MICALL2: variants seen among roughly 807,000 people sequenced by gnomAD.
MICALL2 encodes MICAL-like protein 2.
MICALL2 carries 111 observed loss-of-function variants against 91.1 expected under a neutral mutation model. The ratio of observed to expected loss-of-function variants is 1.22; its 90% CI spans 1.04 to 1.43. The LOEUF is 1.43. Ranked by LOEUF, MICALL2 falls within the 40% of genes most tolerant of loss-of-function variation. MICALL2 has a pLI of 0.00. For synonymous variants in MICALL2, 694 were observed against 525.3 expected, an observed-to-expected ratio of 1.32 and a Z score of -4.39; for missense variants, 1,556 against 1,236.0, an observed-to-expected ratio of 1.26 and a Z score of -3.88.
chr7:1,459,295 C>T lies in MICALL2; in HGVS notation c.32G>A (p.Cys11Tyr). The change falls in exon 1 of 17, where the codon TGC becomes TAC. Residue 11 changes from cysteine (C) to tyrosine (Y), a missense_variant. Physicochemically the swap from Cys to Tyr is radical, Grantham distance 194 (BLOSUM62 -2). Transcript: ENST00000297508. ...GCGGTAGCCCTCGCACTGCTGCCGG[C>T]ACCACTGTTGCAGCGCCCTGATGGC... MAAIRALQQWCRQQCEGYRDV... is the reference protein window; with the variant it reads MAAIRALQQWYRQQCEGYRDV... The T allele has an allele frequency of 6.3e-7, 1 of 1,597,874 alleles. No individual in the cohort carries two copies. Among genetic ancestry groups the T allele is most frequent in the South Asian group, 1.1e-5 (1 of 88,694 alleles).
intron 16 of MICALL2, 115 bp downstream of exon 16, chr7:1,434,985 GC>G (rs145154210): frequency 0.22 from 56,318 of 250,766 alleles, 2,683 homozygotes; most frequent in African/African-American, 0.44. Flanking sequence ...CCCGATACCC[GC>G]CCCCCCCCCA....
Position 1,440,696 on chromosome 7 carries a change from G to T in MICALL2, c.1712-12C>A. 6.2e-7 allele frequency: 1 copy of T among 1,607,896 alleles called. No homozygotes were observed. The highest frequency in any genetic ancestry group is 8.5e-7 in the Non-Finnish European group (1 of 1,177,778). On this transcript the variant is annotated splice_polypyrimidine_tract_variant and intron_variant, in intron 7 of 16. Transcript: ENST00000297508. ...GCTGGTGCTCATGTCTGGGTGGGAG[G>T]CAAGGGGTCTGGGTGTGAGGAAGGA... is the stretch of plus-strand genomic sequence containing the variant.
chr7:1,445,551 C>A (rs747882426), intron 5 of MICALL2, 123 bp from the exon 6 acceptor site: 50 of 872,350 alleles, frequency 5.7e-5, no homozygotes, highest in Non-Finnish European at 7.7e-5. Flanking sequence ...GCTGAACGCC[C>A]GCCCCGCCAC....
chr7:1,455,340 G>C (rs1174625912), intron 1 of MICALL2, among the ~76,000 whole-genome samples: 1 of 152,234 alleles, frequency 6.6e-6, no homozygotes, highest in African/African-American at 2.4e-5. Context: ...TGGCTGCCCA[G>C]CTGCCCTGTG....
chr7:1,456,607 A>G (rs6943370), intron 1 of MICALL2, among the ~76,000 whole-genome samples: 6,920 of 151,798 alleles, frequency 0.046, 452 homozygotes, highest in African/African-American at 0.15. Context: ...TAAATAAATA[A>G]ATAGATAAAA....
rs1166301300 is a variant in MICALL2, at chr7:1,439,003, C to G, written c.1967-8G>C. On this transcript the variant is annotated splice_region_variant and splice_polypyrimidine_tract_variant and intron_variant, in intron 9 of 16. Transcript: ENST00000297508. The stretch of plus-strand genomic sequence containing the variant: ...GTGGGGAGGGGGACCTGGCTGCCCC[C>G]AGGTGGGGAGACAGAGCCACGCTTC... 4.4e-6 allele frequency: 7 copies of G among 1,588,164 alleles called. No homozygotes were observed. The highest frequency in any genetic ancestry group is 6.0e-6 in the Non-Finnish European group (7 of 1,172,226).
rs757836671 is a variant in MICALL2, at chr7:1,451,909, C to T, written c.144-1621G>A. On this transcript the variant is annotated intron_variant, in intron 1 of 16. Coordinates refer to ENST00000297508, the MANE Select transcript of MICALL2 (RefSeq NM_182924.4). The surrounding 1 kb of genome is among the most constrained non-coding windows in gnomAD (Gnocchi z 4.5). ...ACCCCCATAAGAATGCTCCGAGGCC[C>T]GGACAGTGAGCCCATTTCACCTGTT... Among the ~76,000 whole-genome samples, 2 of 152,212 alleles carry T rather than the reference C, an allele frequency of 1.3e-5. No homozygotes were observed. The highest frequency in any genetic ancestry group is 1.9e-4 in the East Asian group (1 of 5,202).
rs893371911 is a variant in MICALL2 at position 1,451,783 on chromosome 7, G to C, written c.144-1495C>G. 1.3e-5 allele frequency among the ~76,000 whole-genome samples: 2 copies of C among 152,220 alleles called. No homozygotes were observed. Among genetic ancestry groups the C allele is most frequent in the African/African-American group, 4.8e-5 (2 of 41,468 alleles). On this transcript the variant is annotated intron_variant, in intron 1 of 16. Coordinates refer to ENST00000297508, the MANE Select transcript of MICALL2 (RefSeq NM_182924.4). This position sits in a 1 kb window ranked among gnomAD's most constrained non-coding sequence, Gnocchi z 4.5. Reference sequence around the variant, plus strand: ...GTAGCTGCAGCAAACAGGAAGGCTGGGCAGGTCTCAAACGGAGAAGTGGGG... The same window carrying C: ...GTAGCTGCAGCAAACAGGAAGGCTGCGCAGGTCTCAAACGGAGAAGTGGGG...
intron 4 of MICALL2, among the ~76,000 whole-genome samples, chr7:1,447,315 T>G (rs1339098401): frequency 6.6e-6 from 1 of 152,116 alleles, no homozygotes; most frequent in African/African-American, 2.4e-5. Context: ...GAGAGAGGTA[T>G]CCTGGGCCCA....
chr7:1,450,280 C>T lies in MICALL2; in HGVS notation c.152G>A (p.Ser51Asn), dbSNP rs2128524462. ...ATAAATATTTTCCTTCTTGAGAGCA[C>T]TGAAGTTTCTGGAAGATAAAAACAT... ...HRHRPDLINF[S>N]ALKKENIYEN... The change falls in exon 2 of 17, where the codon AGT becomes AAT. Residue 51 changes from serine to asparagine, a missense_variant. Ser to Asn is a conservative substitution (Grantham distance 46). Transcript: ENST00000297508. The T allele has an allele frequency of 6.2e-7, 1 of 1,612,974 alleles. No homozygotes were observed.
At chr7:1,434,832 C>T (rs896107515) in intron 16 of MICALL2, 160 bp from the exon 17 acceptor site, 3 of 799,718 alleles carry the variant, frequency 3.8e-6, no homozygotes, top group Non-Finnish European at 5.8e-6. Flanking sequence ...CACGTGAGAA[C>T]CTGCCCCGAC....
rs1431368418 is a variant in MICALL2, at chr7:1,445,362, G to A, written c.708C>T (p.Phe236=). The A allele has an allele frequency of 9.4e-6, 15 of 1,592,070 alleles. No homozygotes were observed. The highest frequency in any genetic ancestry group is 4.5e-5 in the East Asian group (2 of 44,202). The part of the protein sequence containing the change: ...AYKATGEPGT[F]VCTSHLPAAA... ...CTGCGGGGAGGTGGCTGGTGCAGAC[G>A]AAGGTGCCCGGCTCTCCTGTGGCCT... The change falls in exon 6 of 17, where the codon TTC becomes TTT. Residue 236 remains phenylalanine, a synonymous_variant. Transcript: ENST00000297508.
In MICALL2 at chr7:1,444,886, G is replaced by C; in HGVS notation, c.1184C>G (p.Ser395Cys). 1.3e-6 allele frequency: 2 copies of C among 1,585,386 alleles called. No individual in the cohort carries two copies. Among genetic ancestry groups the C allele is most frequent in the Non-Finnish European group, 1.7e-6 (2 of 1,169,484 alleles). The change falls in exon 6 of 17, where the codon TCC becomes TGC. Residue 395 changes from serine (S) to cysteine (C), a missense_variant. Transcript: ENST00000297508. ...AAPQTTLSSSSTSAATVDPPA... is the reference protein window; with the variant it reads ...AAPQTTLSSSCTSAATVDPPA... ...GGGGTCCACCGTGGCTGCAGATGTG[G>C]AGCTTGAACTGAGTGTGGTTTGAGG... is the stretch of plus-strand genomic sequence containing the variant.
At chr7:1,440,832 G>A (rs558086573) in intron 7 of MICALL2, 148 bp from the exon 8 acceptor site, 4 of 655,638 alleles carry the variant, frequency 6.1e-6, no homozygotes, top group Non-Finnish European at 1.1e-5. Flanking sequence ...GGCATCAGGA[G>A]CACCGGGCAG....
Position 1,447,646 on chromosome 7 carries a change from G to A in MICALL2, c.454C>T (p.Leu152=). The A allele has an allele frequency of 1.3e-6, 2 of 1,597,238 alleles. No individual in the cohort carries two copies. The highest frequency in any genetic ancestry group is 4.5e-5 in the East Asian group (2 of 44,324). The change falls in exon 4 of 17, where the codon CTA becomes TTA. Residue 152 remains leucine, a synonymous_variant. Coordinates refer to ENST00000297508, the MANE Select transcript of MICALL2 (RefSeq NM_182924.4). ...PSPAPARKPP[L]SPAQTNPVVQ... ...ACAGGGTTTGTCTGGGCTGGAGATAGTGGAGGCTTCCGGGCTGGGGCGGGC... is the reference window on the plus strand; with the variant it reads ...ACAGGGTTTGTCTGGGCTGGAGATAATGGAGGCTTCCGGGCTGGGGCGGGC...
chr7:1,435,582 G>A (rs1042159364), intron 15 of MICALL2, among the ~76,000 whole-genome samples: 3 of 152,256 alleles, frequency 2.0e-5, no homozygotes, highest in South Asian at 2.1e-4. Flanking sequence ...GGCCTCGGCC[G>A]ACCCATGCCA....
chr7:1,436,763 G>T lies in MICALL2; in HGVS notation c.2570C>A (p.Ser857Ter). ...TVNDRSDIVD[S>*]LDEDRLREQE... ...TCACCGGAGCCGGTCCTCGTCCAGC[G>T]AGTCCACGATGTCACTGCGGTCGTT... Residue 857 changes from serine (S) to a stop codon, truncating the protein, a stop_gained, in exon 15 of 17, where the codon TCG (serine) becomes TAG (stop). Coordinates refer to ENST00000297508, the MANE Select transcript of MICALL2 (RefSeq NM_182924.4). LOFTEE classifies it high-confidence loss of function. 1 of 1,607,276 alleles carries T rather than the reference G, an allele frequency of 6.2e-7. No homozygotes were observed. Among genetic ancestry groups the T allele is most frequent in the Non-Finnish European group, 8.5e-7 (1 of 1,178,000 alleles).
chr7:1,449,005 G>T (rs1464149222), intron 2 of MICALL2, among the ~76,000 whole-genome samples: 3 of 152,382 alleles, frequency 2.0e-5, no homozygotes, highest in African/African-American at 7.2e-5. Flanking sequence ...GCCCCGTCCA[G>T]GTGAAACCTC....
rs747131417 is a variant in MICALL2 at position 1,450,226 on chromosome 7, CG to C, written c.192+13del. On this transcript the variant is annotated intron_variant, in intron 2 of 16. Coordinates refer to ENST00000297508, the MANE Select transcript of MICALL2 (RefSeq NM_182924.4). The stretch of plus-strand genomic sequence containing the variant: ...GGCTAAGCCAGCTGTGAGGCCGGGG[CG>C]GGGGCCACTCACCAGTTTATTGTTT... 6.2e-7 allele frequency: 1 copy of C among 1,610,738 alleles called. No individual in the cohort carries two copies. The highest frequency in any genetic ancestry group is 8.5e-7 in the Non-Finnish European group (1 of 1,178,708).
Sources: allele counts gnomAD v4.1 joint callset (sites outside exome capture counted in the v4.1 genomes callset), GRCh38; gene constraint gnomAD v4.1.1; non-coding constraint Gnocchi (gnomAD v3.1); transcripts MANE v1.5; gene names NCBI Gene and HGNC (gene_info 2026-07-23, HGNC 2026-07-21).